The following APAF1 variants were observed in gnomAD, a reference collection of about 807,000 sequenced individuals.
APAF1 encodes apoptotic protease-activating factor 1.
APAF1 carries 91 observed loss-of-function variants against 152.4 expected under a neutral mutation model. That is an observed-to-expected ratio of 0.60 (90% CI 0.50 to 0.71). APAF1 has a LOEUF of 0.71. Ranked by LOEUF, APAF1 falls within the 30% of genes least tolerant of loss-of-function variation. APAF1 has a pLI of 0.00. For missense variants in APAF1, 1,283 were observed against 1,472.0 expected (o/e 0.87, Z 2.10); for synonymous variants, 484 against 494.1 (o/e 0.98, Z 0.27).
intron 25 of APAF1, among the ~76,000 whole-genome samples, chr12:98,725,896 G>T (rs531776753): frequency 6.6e-6 from 1 of 152,278 alleles, no homozygotes; most frequent in African/African-American, 2.4e-5. Flanking sequence ...ATTATGGTCT[G>T]GATTATAAAT....
chr12:98,711,157 G>GT (rs993766941), intron 20 of APAF1, among the ~76,000 whole-genome samples: 1 of 152,174 alleles, frequency 6.6e-6, no homozygotes, highest in African/African-American at 2.4e-5. Context: ...CTCATTAACT[G>GT]TTTTTTAGAA....
intron 4 of APAF1, among the ~76,000 whole-genome samples, chr12:98,651,531 C>A (rs1008684931): frequency 6.6e-6 from 1 of 152,188 alleles, no homozygotes; most frequent in African/African-American, 2.4e-5. Context: ...CTGCTCATTA[C>A]CCTAAGTAAA....
intron 19 of APAF1, among the ~76,000 whole-genome samples, chr12:98,707,711 T>TATATATATATATATATATATATATAC: frequency 6.7e-6 from 1 of 149,996 alleles, no homozygotes; most frequent in South Asian, 2.1e-4. Context: ...TATATATATA[T>TATATATATATATATATATATATATAC]ACATATAAAT....
chr12:98,658,290 G>A (rs1239717699), intron 4 of APAF1, among the ~76,000 whole-genome samples: 1 of 152,076 alleles, frequency 6.6e-6, no homozygotes, highest in Non-Finnish European at 1.5e-5. Flanking sequence ...ATGTTTTATG[G>A]CTCAATTAAC....
chr12:98,693,467 G>A (rs1205527959), intron 16 of APAF1, among the ~76,000 whole-genome samples: 1 of 152,142 alleles, frequency 6.6e-6, no homozygotes, highest in African/African-American at 2.4e-5. Flanking sequence ...TCACAATTGA[G>A]CCGTATCGTG....
intron 12 of APAF1, among the ~76,000 whole-genome samples, chr12:98,674,990 T>A (rs1368201465): frequency 6.6e-6 from 1 of 152,148 alleles, no homozygotes; most frequent in East Asian, 1.9e-4. Context: ...AGGGCATAGG[T>A]TTAGTTCTTG....
At chr12:98,710,643 T>C (rs2288716) in intron 20 of APAF1, among the ~76,000 whole-genome samples, 55,502 of 151,938 alleles carry the variant, frequency 0.37, 10,546 homozygotes, top group African/African-American at 0.48. Context: ...ACGCTGGTCT[T>C]GAACTCCTGG....
At chr12:98,657,539 A>T (rs1462535750) in intron 4 of APAF1, among the ~76,000 whole-genome samples, 1 of 152,226 alleles carries the variant, frequency 6.6e-6, no homozygotes, top group Non-Finnish European at 1.5e-5. Flanking sequence ...TCTAATTTTC[A>T]TAATTAATAT....
intron 16 of APAF1, among the ~76,000 whole-genome samples, chr12:98,688,268 C>G (rs1433365730): frequency 6.6e-6 from 1 of 151,922 alleles, no homozygotes; most frequent in Non-Finnish European, 1.5e-5. Context: ...ATTGACTGTC[C>G]TTTCTTTCTT....
chr12:98,680,701 C>T (rs2097691332), intron 14 of APAF1, among the ~76,000 whole-genome samples: 1 of 152,174 alleles, frequency 6.6e-6, no homozygotes, highest in Admixed American at 6.5e-5. Context: ...TAGGTATGAG[C>T]CACTGTGCGT....
At position 98,667,643 on chromosome 12, in the gene APAF1, A is replaced by G; in HGVS notation, c.1493A>G (p.Lys498Arg). The G allele has an allele frequency of 6.2e-7, 1 of 1,613,426 alleles. No homozygotes were observed. The highest frequency in any genetic ancestry group is 8.5e-7 in the Non-Finnish European group (1 of 1,179,972). The change falls in exon 10 of 27, where the codon AAG (lysine) becomes AGG (arginine). Residue 498 changes from lysine to arginine, a missense_variant and splice_region_variant. Lys to Arg is a conservative substitution (Grantham distance 26, BLOSUM62 2). Coordinates refer to ENST00000551964, the MANE Select transcript of APAF1 (RefSeq NM_181861.2). ...AYHMASAKMH[K>R]ELCALMFSLD... ...CACATGGCCAGTGCCAAGATGCACA[A>G]GGTAAGATGACCCATTTAAAAATTC... is the stretch of plus-strand genomic sequence containing the variant.
intron 14 of APAF1, 107 bp from the exon 15 acceptor site, chr12:98,683,036 T>A (rs1005199981): frequency 1.4e-5 from 12 of 863,690 alleles, no homozygotes; most frequent in Non-Finnish European, 2.1e-5. Flanking sequence ...GAAAATCTGC[T>A]ATGACAGGAT....
intron 18 of APAF1, among the ~76,000 whole-genome samples, chr12:98,703,903 T>G (rs1431638800): frequency 6.6e-6 from 1 of 152,210 alleles, no homozygotes; most frequent in Non-Finnish European, 1.5e-5. Context: ...AGTTCAGATT[T>G]CTTAGATCAT....
chr12:98,715,448 A>G lies in APAF1; in HGVS notation c.2980A>G (p.Arg994Gly). 1 of 1,613,510 alleles carries G rather than the reference A, an allele frequency of 6.2e-7. No individual in the cohort carries two copies. The highest frequency in any genetic ancestry group is 8.5e-7 in the Non-Finnish European group (1 of 1,179,724). ...AIEILELVNN[R>G]IFQSRFQHKK... ...GAAGATTTTAGAACTTGTAAACAAT[A>G]GAATCTTCCAGTCCAGGTTTCAGCA... is the stretch of plus-strand genomic sequence containing the variant. Residue 994 changes from arginine (R) to glycine (G), a missense_variant, in exon 22 of 27, where the codon AGA becomes GGA. Arg to Gly is a moderately radical substitution (Grantham distance 125). Coordinates refer to ENST00000551964, the MANE Select transcript of APAF1 (RefSeq NM_181861.2).
At chr12:98,676,636 G>T (rs2097686828) in intron 12 of APAF1, among the ~76,000 whole-genome samples, 1 of 143,194 alleles carries the variant, frequency 7.0e-6, no homozygotes, top group Non-Finnish European at 1.5e-5. Context: ...AATAATTGTA[G>T]TTTGAGAGAA....
At position 98,712,321 on chromosome 12, in the gene APAF1, C is replaced by G; in HGVS notation, c.2844C>G (p.Leu948=). The change falls in exon 21 of 27, where the codon CTC becomes CTG. Residue 948 remains leucine, a splice_region_variant and synonymous_variant. Coordinates refer to ENST00000551964, the MANE Select transcript of APAF1 (RefSeq NM_181861.2). ...GATTTTGCCTCATTTTTCATTAGCT[C>G]ATTAATGGAAGAACAGGTCAGATTG... ...LAVDHIRRLQ[L]INGRTGQIDY... The G allele has an allele frequency of 6.3e-7, 1 of 1,595,064 alleles. No individual in the cohort carries two copies. Among genetic ancestry groups the G allele is most frequent in the South Asian group, 1.1e-5 (1 of 90,726 alleles).
chr12:98,726,809 A>G (rs192556619), intron 25 of APAF1: 2 of 161,882 alleles, frequency 1.2e-5, no homozygotes, highest in African/African-American at 4.8e-5. Flanking sequence ...AGAATATAGG[A>G]AAGTTACTGA....
intron 7 of APAF1, among the ~76,000 whole-genome samples, chr12:98,664,023 A>G (rs1376715113): frequency 7.2e-6 from 1 of 138,010 alleles, no homozygotes; most frequent in African/African-American, 2.7e-5. Flanking sequence ...TTATTTATTT[A>G]TTTTATTTAT....
chr12:98,699,303 CAAGTG>C (rs1340148387), intron 16 of APAF1, 100 bp from the exon 17 acceptor site: 3 of 1,109,736 alleles, frequency 2.7e-6, no homozygotes, highest in African/African-American at 3.1e-5. Context: ...AATAATTCAT[CAAGTG>C]AAGTGAATAA....
Sources: gnomAD v4.1 joint callset for allele counts (sites outside exome capture counted in the v4.1 genomes callset) on GRCh38, gnomAD v4.1.1 for gene constraint, MANE v1.5 for transcripts, NCBI Gene and HGNC (gene_info 2026-07-23, HGNC 2026-07-21) for gene names.